The following RSPH14 variants were observed in gnomAD, a reference collection of about 807,000 sequenced individuals.
RSPH14 encodes the protein rhabdoid tumor deletion region gene 1.
A neutral mutation model predicts 26.7 loss-of-function variants in RSPH14; 20 were observed. That is an observed-to-expected ratio of 0.75 (90% CI 0.53 to 1.09). The LOEUF is 1.09. RSPH14 is among the 50% of genes least tolerant of loss of function. The pLI is 0.00. For missense variants in RSPH14, 449 were observed against 457.2 expected (o/e 0.98, Z 0.16); for synonymous variants, 177 against 189.3 (o/e 0.93, Z 0.53).
intron 5 of RSPH14, 136 bp from the exon 6 acceptor site, chr22:23,062,081 G>T: frequency 9.4e-7 from 1 of 1,066,398 alleles, no homozygotes; most frequent in Non-Finnish European, 1.4e-6. Context: ...TGGTCCCCAT[G>T]ATCCAGGACT....
chr22:23,119,827 A>T (rs528355726), intron 4 of RSPH14, among the ~76,000 whole-genome samples: 1 of 152,228 alleles, frequency 6.6e-6, no homozygotes, highest in East Asian at 1.9e-4. Context: ...CCAAGAAACA[A>T]GACCAGGAAA....
At chr22:23,145,690 G>C, upstream of RSPH14, 1 of 1,086,268 alleles carries the variant, frequency 9.2e-7, no homozygotes. Context: ...TGCGGCCCCG[G>C]GGCGTCCTCA....
In RSPH14 at chr22:23,064,055, A is replaced by G; in HGVS notation, c.500T>C (p.Phe167Ser). ...KLQVEVEEEE[F>S]QEFILDTLVL... ...CAGTGTGTCCAGGATGAACTCCTGG[A>G]ACTCCTCCTCCTCCACCTCCACCTG... is the stretch of plus-strand genomic sequence containing the variant. The change falls in exon 5 of 7, where the codon TTC (phenylalanine) becomes TCC (serine). Residue 167 changes from phenylalanine to serine, a missense_variant. Coordinates refer to ENST00000216036, the MANE Select transcript of RSPH14 (RefSeq NM_014433.3). 6.2e-7 allele frequency: 1 copy of G among 1,614,006 alleles called. No homozygotes were observed. The highest frequency in any genetic ancestry group is 8.5e-7 in the Non-Finnish European group (1 of 1,179,964).
At chr22:23,146,687 T>C (rs954648186), upstream of RSPH14, 5 of 1,613,506 alleles carry the variant, frequency 3.1e-6, no homozygotes, top group South Asian at 2.2e-5. Context: ...TTCCCTAAGG[T>C]AGAGAGTCAT....
intron 4 of RSPH14, among the ~76,000 whole-genome samples, chr22:23,093,236 T>G (rs985659267): frequency 2.0e-5 from 3 of 152,254 alleles, no homozygotes; most frequent in Non-Finnish European, 4.4e-5. Flanking sequence ...AGTGACTGTT[T>G]AATCACTGCC....
At chr22:23,130,061 AAG>A (rs774881545) in intron 4 of RSPH14, among the ~76,000 whole-genome samples, 11 of 34,776 alleles carry the variant, frequency 3.2e-4, no homozygotes, top group Non-Finnish European at 6.1e-4. Flanking sequence ...GAGAAAGAAA[AAG>A]AAAGAAAGAA....
chr22:23,103,598 G>A (rs971930136), intron 4 of RSPH14, among the ~76,000 whole-genome samples: 2 of 152,218 alleles, frequency 1.3e-5, no homozygotes, highest in Admixed American at 1.3e-4. Flanking sequence ...CTCTTCCTCG[G>A]CAGATTTAAG....
chr22:23,148,681 C>T (rs1305489742), upstream of RSPH14, among the ~76,000 whole-genome samples: 1 of 152,224 alleles, frequency 6.6e-6, no homozygotes, highest in African/African-American at 2.4e-5. Flanking sequence ...GCTTGCCAGG[C>T]AAGTCCTTCC....
upstream of RSPH14, among the ~76,000 whole-genome samples, chr22:23,146,423 G>T (rs1373936151): frequency 3.3e-5 from 5 of 151,840 alleles, no homozygotes; most frequent in Admixed American, 1.3e-4. Flanking sequence ...TGTTGCCCAG[G>T]CTGGTCTCAA....
chr22:23,159,336 C>T, the RSPH14 span: 4 of 1,309,960 alleles, frequency 3.1e-6, no homozygotes, highest in Admixed American at 9.5e-5. Flanking sequence ...GCAGTGTTTC[C>T]CTCTGTAGCC....
chr22:23,152,951 A>G, the RSPH14 span: 3 of 998,726 alleles, frequency 3.0e-6, no homozygotes, highest in Non-Finnish European at 4.7e-6. Context: ...TTATTTGCCT[A>G]AAGACTTGCA....
At chr22:23,159,098 C>T in the RSPH14 span, 5 of 1,591,050 alleles carry the variant, frequency 3.1e-6, no homozygotes, top group South Asian at 2.2e-5. Flanking sequence ...AGGCAGCTGC[C>T]TATCCCCCTG....
At chr22:23,095,767 C>T (rs750672970) in intron 4 of RSPH14, 2 of 1,613,034 alleles carry the variant, frequency 1.2e-6, no homozygotes, top group Admixed American at 3.3e-5. Context: ...GCCACCTGCG[C>T]TCAGAGAGCC....
At chr22:23,080,762 C>A (rs747090626) in intron 4 of RSPH14, among the ~76,000 whole-genome samples, 1 of 152,218 alleles carries the variant, frequency 6.6e-6, no homozygotes, top group Non-Finnish European at 1.5e-5. Context: ...TCAAACACTG[C>A]AAAAGCTATT....
intron 5 of RSPH14, among the ~76,000 whole-genome samples, chr22:23,062,755 A>G (rs1322645512): frequency 6.6e-6 from 1 of 152,246 alleles, no homozygotes; most frequent in African/African-American, 2.4e-5. Flanking sequence ...AAAGTTGCAG[A>G]GTCCTGGGCC....
chr22:23,143,988 G>A (rs1038559300), upstream of RSPH14, among the ~76,000 whole-genome samples: 1 of 151,640 alleles, frequency 6.6e-6, no homozygotes, highest in African/African-American at 2.4e-5. Context: ...CAGCTACTCG[G>A]GAGGCTGAGG....
chr22:23,144,310 C>T (rs753158569), upstream of RSPH14, among the ~76,000 whole-genome samples: 1 of 152,130 alleles, frequency 6.6e-6, no homozygotes, highest in Non-Finnish European at 1.5e-5. Flanking sequence ...ACACCATGTC[C>T]GTTCTCTTTC....
At chr22:23,145,342 G>A, upstream of RSPH14, 1 of 1,527,298 alleles carries the variant, frequency 6.5e-7, no homozygotes, top group Non-Finnish European at 8.8e-7. Context: ...GCCCCGCCCA[G>A]ACTCCAGGCA....
At chr22:23,095,342 C>T (rs1359364591) in intron 4 of RSPH14, 5 of 277,032 alleles carry the variant, frequency 1.8e-5, no homozygotes, top group East Asian at 8.7e-5. Context: ...TCAGCAACAT[C>T]GCCACAGCAA....
Sources: allele counts gnomAD v4.1 joint callset (sites outside exome capture counted in the v4.1 genomes callset), GRCh38; gene constraint gnomAD v4.1.1; transcripts MANE v1.5; gene names NCBI Gene and HGNC (gene_info 2026-07-23, HGNC 2026-07-21).